Variants in THSD7B observed in about 807,000 individuals in gnomAD.
THSD7B encodes the protein thrombospondin type 1 domain containing 7B.
In THSD7B, 138 loss-of-function variants were observed where a neutral mutation model predicts 213.6. The observed-to-expected ratio is 0.65, with a 90% CI of 0.56 to 0.74. The LOEUF (loss-of-function observed/expected upper bound fraction) is 0.74. Among genes scored for constraint, THSD7B ranks in the 30% least tolerant of loss-of-function variants. The pLI, the probability that THSD7B is intolerant of heterozygous loss-of-function variation, is 0.00. For missense variants in THSD7B, 1,931 were observed against 1,991.5 expected, an observed-to-expected ratio of 0.97 and a Z score of 0.58; for synonymous variants, 742 against 687.0, an observed-to-expected ratio of 1.08 and a Z score of -1.25.
chr2:137,218,844 C>A (rs2105042204), intron 7 of THSD7B, among the ~76,000 whole-genome samples: 1 of 152,072 alleles, frequency 6.6e-6, no homozygotes, highest in East Asian at 1.9e-4. Context: ...TTACTAAAGA[C>A]TGAACTAAAC....
intron 1 of THSD7B, among the ~76,000 whole-genome samples, chr2:136,777,178 T>G (rs1051735586): frequency 6.6e-6 from 1 of 152,176 alleles, no homozygotes; most frequent in African/African-American, 2.4e-5. Context: ...AGAAGCTTTA[T>G]GAACAAGACC....
At chr2:137,141,386 G>A (rs1679581108) in intron 5 of THSD7B, among the ~76,000 whole-genome samples, 1 of 152,024 alleles carries the variant, frequency 6.6e-6, no homozygotes, top group African/African-American at 2.4e-5. Flanking sequence ...TAGCAGAAAG[G>A]AGTCTTATAG....
intron 18 of THSD7B, among the ~76,000 whole-genome samples, chr2:137,617,462 C>A (rs1264323309): frequency 4.6e-5 from 7 of 152,130 alleles, no homozygotes; most frequent in African/African-American, 1.7e-4. Flanking sequence ...CTAGCCAAAT[C>A]TGTAAAACTT....
chr2:136,788,614 A>G (rs1681910534), intron 1 of THSD7B, among the ~76,000 whole-genome samples: 1 of 152,118 alleles, frequency 6.6e-6, no homozygotes, highest in Admixed American at 6.6e-5. Flanking sequence ...TGAGAGGAGA[A>G]ACCATTCTCT....
At chr2:137,040,733 C>T (rs577186652) in intron 2 of THSD7B, among the ~76,000 whole-genome samples, 1 of 152,044 alleles carries the variant, frequency 6.6e-6, no homozygotes, top group African/African-American at 2.4e-5. Context: ...AGATCTCACA[C>T]TCAGTGTACC....
chr2:137,344,038 C>T (rs1684819370), intron 12 of THSD7B, among the ~76,000 whole-genome samples: 1 of 151,700 alleles, frequency 6.6e-6, no homozygotes, highest in Non-Finnish European at 1.5e-5. Context: ...GAGCTCCCAA[C>T]ACCTGGGCCA....
chr2:137,434,349 T>C (rs1208112373), intron 14 of THSD7B, among the ~76,000 whole-genome samples: 2 of 152,158 alleles, frequency 1.3e-5, no homozygotes, highest in Non-Finnish European at 1.5e-5. Context: ...AGGAGCCCAT[T>C]TGGACACCTG....
At chr2:137,630,919 C>CT (rs1472403703) in intron 20 of THSD7B, among the ~76,000 whole-genome samples, 4 of 152,124 alleles carry the variant, frequency 2.6e-5, no homozygotes, top group Non-Finnish European at 4.4e-5. Flanking sequence ...GCACAATTAT[C>CT]TTTTTTTCTG....
chr2:137,584,564 A>G (rs932087655), intron 17 of THSD7B, among the ~76,000 whole-genome samples: 1 of 152,126 alleles, frequency 6.6e-6, no homozygotes, highest in African/African-American at 2.4e-5. Flanking sequence ...GAATTTTGTC[A>G]AAGGCCTTTT....
At chr2:137,485,944 C>T (rs1198539281) in intron 15 of THSD7B, among the ~76,000 whole-genome samples, 1 of 152,080 alleles carries the variant, frequency 6.6e-6, no homozygotes, top group Non-Finnish European at 1.5e-5. Flanking sequence ...CAAGCAAATG[C>T]TGAGAGATTT....
chr2:136,814,971 T>TA (rs139985009), intron 1 of THSD7B, among the ~76,000 whole-genome samples: 5,132 of 152,294 alleles, frequency 0.034, 284 homozygotes, highest in African/African-American at 0.12. Context: ...TTTTAGTGTT[T>TA]GTGGTCAAGT....
rs773677139 is a variant in THSD7B, at chr2:136,954,740, T to TAAAAAAAAAAAAAAAAAAAAAAAG, written c.139+72424_139+72425insAAAAAAAAAAAAAAAAAAAAAAGA. 1.1e-4 allele frequency among the ~76,000 whole-genome samples: 15 copies of TAAAAAAAAAAAAAAAAAAAAAAAG among 137,442 alleles called. 2 individuals are homozygous for TAAAAAAAAAAAAAAAAAAAAAAAG. The highest frequency in any genetic ancestry group is 4.6e-4 in the African/African-American group (15 of 32,260). 90.2% of individuals were successfully genotyped at this position (137,442 alleles called of 152,430 possible). Reference sequence around the variant, plus strand: ...AAAAAAAAAAAAAAAAAAAAGAAATTACATAAGAGCTTTTATACTGTTTAT... The same window carrying TAAAAAAAAAAAAAAAAAAAAAAAG: ...AAAAAAAAAAAAAAAAAAAAGAAATTAAAAAAAAAAAAAAAAAAAAAAAGACATAAGAGCTTTTATACTGTTTAT... On this transcript the variant is annotated intron_variant, in intron 2 of 27. Transcript: ENST00000409968.
intron 26 of THSD7B, 105 bp downstream of exon 26, chr2:137,663,680 A>T: frequency 9.7e-7 from 1 of 1,032,964 alleles, no homozygotes; most frequent in Non-Finnish European, 1.4e-6. Flanking sequence ...AAAAGAGGAG[A>T]GAAGAAAGAG....
intron 2 of THSD7B, among the ~76,000 whole-genome samples, chr2:137,049,957 C>A (rs10496764): frequency 1.3e-5 from 2 of 152,124 alleles, no homozygotes; most frequent in Admixed American, 1.3e-4. Context: ...TAGAAACCAG[C>A]GTGATATAGA....
chr2:137,317,648 A>G (rs1684154601), intron 12 of THSD7B, among the ~76,000 whole-genome samples: 1 of 152,168 alleles, frequency 6.6e-6, no homozygotes, highest in African/African-American at 2.4e-5. Flanking sequence ...TGGCGATATA[A>G]TTATGCCTAT....
rs182061431 is a variant in THSD7B, at chr2:137,131,620, C to T, written c.1369+16327C>T. ...TATGGCTAGCCAGTTTTCCCAGCAC[C>T]ATTTATTAAATAGGGAATCCTTTCC... On this transcript the variant is annotated intron_variant, in intron 5 of 27. Transcript: ENST00000409968. Among the ~76,000 whole-genome samples the T allele has an allele frequency of 4.2e-3, 637 of 152,258 alleles. 3 individuals carry two copies. Among genetic ancestry groups the T allele is most frequent in the African/African-American group, 0.015 (611 of 41,548 alleles).
intron 2 of THSD7B, among the ~76,000 whole-genome samples, chr2:136,956,761 C>A (rs1406370937): frequency 1.3e-5 from 2 of 151,550 alleles, no homozygotes; most frequent in Non-Finnish European, 2.9e-5. Flanking sequence ...GTCACTGCAA[C>A]CTCTGCCTCC....
At chr2:137,290,521 C>T (rs1358717261) in intron 12 of THSD7B, among the ~76,000 whole-genome samples, 2 of 150,626 alleles carry the variant, frequency 1.3e-5, no homozygotes, top group African/African-American at 5.0e-5. Context: ...TGAAACCTTA[C>T]ATGGCATCAT....
chr2:137,530,282 A>G (rs941508357), intron 15 of THSD7B, among the ~76,000 whole-genome samples: 68 of 152,110 alleles, frequency 4.5e-4, no homozygotes, highest in African/African-American at 1.6e-3. Context: ...TGTTTCTTTT[A>G]CCATTAGGAT....
Sources: gnomAD v4.1 joint callset for allele counts (sites outside exome capture counted in the v4.1 genomes callset) on GRCh38, gnomAD v4.1.1 for gene constraint, MANE v1.5 for transcripts, NCBI Gene and HGNC (gene_info 2026-07-23, HGNC 2026-07-21) for gene names.